Variants in EIF2AK3 observed in about 807,000 individuals in gnomAD.
The protein encoded by EIF2AK3 is eukaryotic translation initiation factor 2-alpha kinase 3.
A neutral mutation model predicts 113.5 loss-of-function variants in EIF2AK3; 50 were observed. The observed-to-expected ratio is 0.44, with a 90% CI of 0.35 to 0.56. The LOEUF is 0.56. Among genes scored for constraint, EIF2AK3 ranks in the 20% least tolerant of loss-of-function variants. EIF2AK3 has a pLI of 0.00. For missense variants in EIF2AK3, 1,185 were observed against 1,378.0 expected (o/e 0.86, Z 2.22); for synonymous variants, 448 against 495.4 (o/e 0.90, Z 1.27).
At chr2:88,596,429 A>C (rs1675020289) in intron 2 of EIF2AK3, among the ~76,000 whole-genome samples, 1 of 152,222 alleles carries the variant, frequency 6.6e-6, no homozygotes, top group Non-Finnish European at 1.5e-5. Context: ...CAAACAACTT[A>C]ATAAATAAGT....
At chr2:88,581,354 G>A (rs1438514611) in intron 10 of EIF2AK3, among the ~76,000 whole-genome samples, 10 of 151,644 alleles carry the variant, frequency 6.6e-5, no homozygotes, top group Non-Finnish European at 8.8e-5. Context: ...TCATGATACC[G>A]CATTTATTCT....
intron 1 of EIF2AK3, among the ~76,000 whole-genome samples, chr2:88,625,284 TACACACAC>T (rs375827301): frequency 0.04 from 5,406 of 135,226 alleles, 110 homozygotes; most frequent in African/African-American, 0.058. Flanking sequence ...ATCGCTTACG[TACACACAC>T]ACACACACAC....
At chr2:88,580,463 A>G (rs1267691794) in intron 10 of EIF2AK3, among the ~76,000 whole-genome samples, 3 of 152,212 alleles carry the variant, frequency 2.0e-5, no homozygotes, top group Admixed American at 1.3e-4. Context: ...CACTCTGCAC[A>G]TAATACTTTG....
chr2:88,590,728 G>C, intron 5 of EIF2AK3, 90 bp downstream of exon 5: 1 of 1,563,162 alleles, frequency 6.4e-7, no homozygotes, highest in Non-Finnish European at 8.8e-7. Flanking sequence ...AGAGCCCCAA[G>C]TAGTAGTAAT....
intron 14 of EIF2AK3, among the ~76,000 whole-genome samples, chr2:88,562,727 T>C (rs1408196974): frequency 1.3e-5 from 2 of 152,214 alleles, no homozygotes; most frequent in Non-Finnish European, 2.9e-5. Flanking sequence ...GTGAGGTTTT[T>C]CAAAGGGAAC....
chr2:88,621,333 T>G (rs1259844569), intron 1 of EIF2AK3, among the ~76,000 whole-genome samples: 1 of 152,220 alleles, frequency 6.6e-6, no homozygotes, highest in East Asian at 1.9e-4. Flanking sequence ...CTAAATTTCT[T>G]CATAAAATCA....
rs572754822 is a variant in EIF2AK3 at position 88,581,898 on chromosome 2, G to A, written c.1763+1532C>T. Among the ~76,000 whole-genome samples, 3 of 152,240 alleles carry A rather than the reference G, an allele frequency of 2.0e-5. No homozygotes were observed. The South Asian group carries it at 6.2e-4, about 32-fold the overall frequency. On this transcript the variant is annotated intron_variant, in intron 10 of 16. Coordinates refer to ENST00000303236, the MANE Select transcript of EIF2AK3 (RefSeq NM_004836.7). Reference sequence around the variant, plus strand: ...AAGACTCCATTACACTGCCAGGTAGGTACCTTGCAGGGCTGGGCCAGGGTT... The same window carrying A: ...AAGACTCCATTACACTGCCAGGTAGATACCTTGCAGGGCTGGGCCAGGGTT...
intron 2 of EIF2AK3, among the ~76,000 whole-genome samples, chr2:88,601,646 C>T (rs557749948): frequency 2.6e-5 from 4 of 152,102 alleles, no homozygotes; most frequent in Non-Finnish European, 5.9e-5. Flanking sequence ...TGTTTGCATG[C>T]CCCACTTTTA....
At chr2:88,560,930 A>G (rs1220550837) in intron 15 of EIF2AK3, among the ~76,000 whole-genome samples, 3 of 152,132 alleles carry the variant, frequency 2.0e-5, no homozygotes, top group African/African-American at 4.8e-5. Context: ...AAATATGGAG[A>G]TAAGTACCAG....
At chr2:88,563,295 C>T (rs1404523914) in intron 14 of EIF2AK3, among the ~76,000 whole-genome samples, 1 of 152,178 alleles carries the variant, frequency 6.6e-6, no homozygotes, top group Non-Finnish European at 1.5e-5. Flanking sequence ...ATCTGTCTCC[C>T]TGGCCTTCTG....
At position 88,557,037 on chromosome 2, in the gene EIF2AK3, T is replaced by A. The variant is rs974973272; in HGVS notation, c.*699A>T. On this transcript the variant is annotated 3_prime_UTR_variant, in exon 17 of 17. Transcript: ENST00000303236. ...AAGAAGTTAGTTGTAATATATATGA[T>A]CCATTTCTTACTACGGCTTTTTTCC... The A allele has an allele frequency of 6.6e-6, 1 of 152,556 alleles. No individual in the cohort carries two copies. Among genetic ancestry groups the A allele is most frequent in the East Asian group, 1.9e-4 (1 of 5,202 alleles). The allele number at this position is 152,556 out of a possible 1,614,324, so 9.5% of individuals were successfully genotyped here. A position where few individuals can be genotyped will look rare whatever the true frequency, so the allele number is the denominator to read the frequency against.
chr2:88,583,976 T>C (rs918635180), intron 9 of EIF2AK3, among the ~76,000 whole-genome samples: 3 of 152,208 alleles, frequency 2.0e-5, no homozygotes, highest in Admixed American at 6.5e-5. Context: ...ACCAGTTTCA[T>C]AGATTGCATT....
Position 88,590,947 on chromosome 2 carries a change from C to T in EIF2AK3, c.873G>A (p.Glu291=), listed in dbSNP as rs766387241. 6.2e-7 allele frequency: 1 copy of T among 1,614,120 alleles called. No individual in the cohort carries two copies. The highest frequency in any genetic ancestry group is 8.5e-7 in the Non-Finnish European group (1 of 1,179,984). ...CTTCCACATCTGAAATAATTTTAGA[C>T]TCTTCTGTGTTCTCATTGGGCTTAA... ...STFKPNENTE[E]SKIISDVEEQ... The change falls in exon 5 of 17, where the codon GAG becomes GAA. Residue 291 remains glutamate, a synonymous_variant. Transcript: ENST00000303236.
chr2:88,574,585 C>G, intron 13 of EIF2AK3, 81 bp downstream of exon 13: 2 of 1,520,134 alleles, frequency 1.3e-6, no homozygotes, highest in Non-Finnish European at 1.8e-6. Context: ...TCTTAAGGAT[C>G]CTTCAGAGTA....
At chr2:88,574,058 T>A (rs1674386447) in intron 13 of EIF2AK3, among the ~76,000 whole-genome samples, 1 of 152,224 alleles carries the variant, frequency 6.6e-6, no homozygotes, top group Non-Finnish European at 1.5e-5. Context: ...CTGAATATAT[T>A]GAAAATAGAA....
At chr2:88,611,876 G>C (rs1675466367) in intron 2 of EIF2AK3, among the ~76,000 whole-genome samples, 1 of 152,130 alleles carries the variant, frequency 6.6e-6, no homozygotes, top group African/African-American at 2.4e-5. Flanking sequence ...GCCCGCCTCA[G>C]CCTCCCAAAG....
At chr2:88,616,668 C>G (rs1233309703) in intron 1 of EIF2AK3, among the ~76,000 whole-genome samples, 1 of 152,002 alleles carries the variant, frequency 6.6e-6, no homozygotes, top group Non-Finnish European at 1.5e-5. Context: ...CTGAGGTGAT[C>G]CGCCCACCTC....
At chr2:88,592,318 GATT>G (rs1316074909) in intron 4 of EIF2AK3, among the ~76,000 whole-genome samples, 2 of 152,150 alleles carry the variant, frequency 1.3e-5, no homozygotes, top group East Asian at 1.9e-4. Context: ...TGAATAAGAT[GATT>G]ATTATTTTAA....
intron 10 of EIF2AK3, among the ~76,000 whole-genome samples, chr2:88,580,970 G>A (rs1573397875): frequency 6.6e-6 from 1 of 152,190 alleles, no homozygotes; most frequent in South Asian, 2.1e-4. Context: ...AGGGCCAGCT[G>A]AATTATCTTC....
Sources: gnomAD v4.1 joint callset for allele counts (sites outside exome capture counted in the v4.1 genomes callset) on GRCh38, gnomAD v4.1.1 for gene constraint, MANE v1.5 for transcripts, NCBI Gene and HGNC (gene_info 2026-07-23, HGNC 2026-07-21) for gene names.